The following SHISA6 variants were observed in gnomAD, a reference collection of about 807,000 sequenced individuals.
The protein encoded by SHISA6 is protein shisa-6.
A neutral mutation model predicts 47.9 loss-of-function variants in SHISA6; 22 were observed. The ratio of observed to expected loss-of-function variants is 0.46; its 90% CI spans 0.33 to 0.66. SHISA6 has a LOEUF of 0.66. Ranked by LOEUF, SHISA6 falls within the 30% of genes least tolerant of loss-of-function variation. SHISA6 has a pLI of 0.02. For missense variants in SHISA6, 680 were observed against 764.6 expected (o/e 0.89, Z 1.30); for synonymous variants, 388 against 337.8 (o/e 1.15, Z -1.63).
At chr17:11,463,248 A>G (rs1309237553) in intron 3 of SHISA6, among the ~76,000 whole-genome samples, 1 of 152,218 alleles carries the variant, frequency 6.6e-6, no homozygotes, top group African/African-American at 2.4e-5. Context: ...GTATTGGATC[A>G]AGGAGATAAT....
At chr17:11,434,046 A>AT (rs1284604988) in intron 3 of SHISA6, among the ~76,000 whole-genome samples, 3 of 148,320 alleles carry the variant, frequency 2.0e-5, no homozygotes, top group South Asian at 2.1e-4. Flanking sequence ...GTTTGGAAAC[A>AT]TTTTTTCTTT....
chr17:11,315,999 C>T (rs1336645264), intron 2 of SHISA6, among the ~76,000 whole-genome samples: 1 of 152,170 alleles, frequency 6.6e-6, no homozygotes, highest in Non-Finnish European at 1.5e-5. Flanking sequence ...CAAACTCCAT[C>T]ATCAAGTGAT....
intron 3 of SHISA6, among the ~76,000 whole-genome samples, chr17:11,487,186 C>A (rs1452213191): frequency 6.6e-6 from 1 of 152,118 alleles, no homozygotes; most frequent in Admixed American, 6.6e-5. Context: ...GCACAGGAGA[C>A]CATCACCATG....
intron 3 of SHISA6, among the ~76,000 whole-genome samples, chr17:11,498,286 C>T (rs1041216947): frequency 6.6e-6 from 1 of 152,186 alleles, no homozygotes; most frequent in East Asian, 1.9e-4. Flanking sequence ...CTCCTCCATC[C>T]CCAAACATCT....
At chr17:11,500,423 A>C (rs1198402278) in intron 3 of SHISA6, among the ~76,000 whole-genome samples, 2 of 152,200 alleles carry the variant, frequency 1.3e-5, no homozygotes, top group Non-Finnish European at 2.9e-5. Flanking sequence ...CTGTGTACTC[A>C]TATAAAGCTG....
At chr17:11,267,032 A>G (rs1162211274) in intron 2 of SHISA6, among the ~76,000 whole-genome samples, 1 of 152,228 alleles carries the variant, frequency 6.6e-6, no homozygotes, top group Non-Finnish European at 1.5e-5. Flanking sequence ...CTTTATGCGT[A>G]ATAGCGAATG....
chr17:11,302,614 G>A (rs150147728), intron 2 of SHISA6, among the ~76,000 whole-genome samples: 86 of 152,350 alleles, frequency 5.6e-4, no homozygotes, highest in African/African-American at 2.0e-3. Context: ...AGAAGCAGAT[G>A]TTGAGGAAAT....
chr17:11,327,965 G>C (rs1567574200), intron 2 of SHISA6, among the ~76,000 whole-genome samples: 3 of 149,838 alleles, frequency 2.0e-5, no homozygotes, highest in Non-Finnish European at 4.4e-5. Flanking sequence ...CTCTCTCATA[G>C]ATACACACAC....
At chr17:11,411,000 A>C (rs1360644623) in intron 3 of SHISA6, among the ~76,000 whole-genome samples, 1 of 151,938 alleles carries the variant, frequency 6.6e-6, no homozygotes, top group East Asian at 1.9e-4. Flanking sequence ...ACAGAGTCTC[A>C]CTCTATCGCC....
At chr17:11,483,538 AC>A (rs1319558368) in intron 3 of SHISA6, among the ~76,000 whole-genome samples, 1 of 152,218 alleles carries the variant, frequency 6.6e-6, no homozygotes, top group Admixed American at 6.5e-5. Context: ...GAACAAAAAA[AC>A]ACCAGGTGAC....
At chr17:11,510,236 C>A (rs1193581138) in intron 3 of SHISA6, among the ~76,000 whole-genome samples, 5 of 152,100 alleles carry the variant, frequency 3.3e-5, no homozygotes, top group Non-Finnish European at 7.4e-5. Flanking sequence ...TTCAGGGAGC[C>A]TCCTCTGATG....
intron 3 of SHISA6, among the ~76,000 whole-genome samples, chr17:11,533,171 G>A (rs2071751871): frequency 6.6e-6 from 1 of 152,068 alleles, no homozygotes; most frequent in Non-Finnish European, 1.5e-5. Flanking sequence ...CTGGCCCTTT[G>A]CTCATTAGCC....
At chr17:11,302,338 T>A (rs1442639328) in intron 2 of SHISA6, among the ~76,000 whole-genome samples, 1 of 152,184 alleles carries the variant, frequency 6.6e-6, no homozygotes, top group African/African-American at 2.4e-5. Context: ...AGGAACCTCC[T>A]AAGTTTGTCC....
At chr17:11,335,013 G>A (rs935715257) in intron 2 of SHISA6, among the ~76,000 whole-genome samples, 3 of 152,202 alleles carry the variant, frequency 2.0e-5, no homozygotes, top group African/African-American at 7.2e-5. Context: ...TGGGAGGCTG[G>A]CAACTTATTC....
intron 3 of SHISA6, among the ~76,000 whole-genome samples, chr17:11,392,911 G>C (rs1219216004): frequency 6.6e-6 from 1 of 152,200 alleles, no homozygotes; most frequent in Non-Finnish European, 1.5e-5. Context: ...AATAAGGCAG[G>C]TTCTTTGGCA....
chr17:11,380,324 A>AT (rs1351999934), intron 3 of SHISA6: 1 of 151,864 alleles, frequency 6.6e-6, no homozygotes, highest in Non-Finnish European at 1.5e-5. Flanking sequence ...ACTGTGCAAT[A>AT]TTTTCTTACA....
At position 11,534,414 on chromosome 17, in the gene SHISA6, C is replaced by T. The variant is rs546889704; in HGVS notation, c.896-17482C>T. ...TCTCCCCAAGTGCCCGGCATAATGG[C>T]CATATTTATCCACTCAATGGATGCA... On this transcript the variant is annotated intron_variant, in intron 3 of 5. Transcript: ENST00000441885. 2.6e-5 allele frequency among the ~76,000 whole-genome samples: 4 copies of T among 152,182 alleles called. No individual in the cohort carries two copies. In the East Asian group the frequency reaches 7.7e-4, roughly 29 times the overall value.
At chr17:11,497,402 T>C (rs371069567) in intron 3 of SHISA6, among the ~76,000 whole-genome samples, 21 of 152,074 alleles carry the variant, frequency 1.4e-4, no homozygotes, top group East Asian at 3.9e-4. Flanking sequence ...CAGGATCCAG[T>C]TGAAAACGGG....
chr17:11,400,908 T>G (rs1567595668), intron 3 of SHISA6, among the ~76,000 whole-genome samples: 1 of 152,360 alleles, frequency 6.6e-6, no homozygotes, highest in South Asian at 2.1e-4. Flanking sequence ...CTTGCATTTT[T>G]CTGTGTACTT....
Sources: allele counts gnomAD v4.1 joint callset (sites outside exome capture counted in the v4.1 genomes callset), GRCh38; gene constraint gnomAD v4.1.1; transcripts MANE v1.5; gene names NCBI Gene and HGNC (gene_info 2026-07-23, HGNC 2026-07-21).